SATB1: variants seen among roughly 807,000 people sequenced by gnomAD.
SATB1 encodes DNA-binding protein SATB1.
In SATB1, 11 loss-of-function variants were observed where a neutral mutation model predicts 86.9. The ratio of observed to expected loss-of-function variants is 0.13; its 90% CI spans 0.08 to 0.21. The LOEUF (loss-of-function observed/expected upper bound fraction) is 0.21, where lower values mean the gene tolerates loss of function less well. Among genes scored for constraint, SATB1 ranks in the 10% least tolerant of loss-of-function variants. The pLI, the probability that SATB1 is intolerant of heterozygous loss-of-function variation, is 1.00. For missense variants in SATB1, 551 were observed against 937.6 expected, an observed-to-expected ratio of 0.59 and a Z score of 5.39; for synonymous variants, 357 against 357.2, an observed-to-expected ratio of 1.00 and a Z score of 0.01.
intron 9 of SATB1, among the ~76,000 whole-genome samples, chr3:18,365,343 T>C (rs544297058): frequency 1.3e-5 from 2 of 152,190 alleles, no homozygotes; most frequent in African/African-American, 4.8e-5. Context: ...CAACAAGTTT[T>C]TCCAAAGACA....
At chr3:18,383,432 G>T (rs1486914783) in intron 8 of SATB1, among the ~76,000 whole-genome samples, 2 of 152,130 alleles carry the variant, frequency 1.3e-5, no homozygotes, top group Non-Finnish European at 2.9e-5. Flanking sequence ...AGGCCTTAAT[G>T]GGGGCTGGGT....
At chr3:18,425,397 T>C (rs947548148), upstream of SATB1, 48 of 116,814 alleles carry the variant, frequency 4.1e-4, no homozygotes, top group African/African-American at 1.4e-3. Context: ...AGGAAGGGGG[T>C]GCGGAGCCGA....
At chr3:18,390,826 T>C (rs114779669) in intron 7 of SATB1, among the ~76,000 whole-genome samples, 1,843 of 152,218 alleles carry the variant, frequency 0.012, 36 homozygotes, top group South Asian at 0.048. Context: ...TTTATTCTTT[T>C]AAAAATCAAA....
chr3:18,440,890 C>G (rs184553569), upstream of SATB1, among the ~76,000 whole-genome samples: 224 of 152,238 alleles, frequency 1.5e-3, no homozygotes, highest in African/African-American at 5.1e-3. Context: ...ATAATAAGCA[C>G]AAACCACACA....
intron 9 of SATB1, among the ~76,000 whole-genome samples, chr3:18,372,790 T>A (rs1263547544): frequency 4.6e-5 from 7 of 152,170 alleles, no homozygotes; most frequent in Admixed American, 4.6e-4. Flanking sequence ...TAAAAATATA[T>A]CAACGTTTTA....
chr3:18,404,632 C>T (rs1391062792), intron 5 of SATB1, among the ~76,000 whole-genome samples: 2 of 151,914 alleles, frequency 1.3e-5, no homozygotes, highest in Non-Finnish European at 2.9e-5. Context: ...TTTAAATACT[C>T]GATTCATAAC....
In SATB1 at chr3:18,394,352, G is replaced by C; in HGVS notation, c.1206+110C>G. 1 of 900,898 alleles carries C rather than the reference G, an allele frequency of 1.1e-6. No homozygotes were observed. Among genetic ancestry groups the C allele is most frequent in the Non-Finnish European group, 1.7e-6 (1 of 573,658 alleles). 55.8% of individuals were successfully genotyped at this position (900,898 alleles called of 1,614,324 possible). On this transcript the variant is annotated intron_variant, in intron 7 of 10. Transcript: ENST00000338745. The surrounding 1 kb of genome is among the most constrained non-coding windows in gnomAD (Gnocchi z 5.9). ...AATAGGTAATATGATCACATGAAGA[G>C]AGAGAGAAAATGTTAGTACAGAAGT...
At chr3:18,358,280 G>C (rs1470920128) in intron 9 of SATB1, among the ~76,000 whole-genome samples, 5 of 151,840 alleles carry the variant, frequency 3.3e-5, no homozygotes, top group Admixed American at 2.6e-4. Flanking sequence ...TTAAGATATT[G>C]TTCTTTACCT....
intron 2 of SATB1, 162 bp downstream of exon 2, chr3:18,420,595 C>T (rs989303476): frequency 3.0e-5 from 19 of 634,436 alleles, no homozygotes; most frequent in Middle Eastern, 4.3e-4. Flanking sequence ...TACTTTCCAA[C>T]GTGATTGATA....
chr3:18,417,147 G>A, intron 2 of SATB1, 69 bp from the exon 3 acceptor site: 1 of 1,490,828 alleles, frequency 6.7e-7, no homozygotes, highest in Admixed American at 1.9e-5. Context: ...GGGGGTGGCG[G>A]GAGGAAATAT....
At chr3:18,370,514 G>GAAA (rs1559407361) in intron 9 of SATB1, among the ~76,000 whole-genome samples, 11 of 13,214 alleles carry the variant, frequency 8.3e-4, no homozygotes, top group Non-Finnish European at 1.5e-3. Flanking sequence ...ACTGAGAGAG[G>GAAA]CAAAAAAAAA....
In SATB1 at chr3:18,386,398, C is replaced by G; in HGVS notation, c.1419+1G>C. 1 of 1,612,546 alleles carries G rather than the reference C, an allele frequency of 6.2e-7. No homozygotes were observed. The highest frequency in any genetic ancestry group is 8.5e-7 in the Non-Finnish European group (1 of 1,179,170). On this transcript the variant is annotated splice_donor_variant, in intron 8 of 10. Coordinates refer to ENST00000338745, the MANE Select transcript of SATB1 (RefSeq NM_002971.6). LOFTEE classifies it high-confidence loss of function. The surrounding 1 kb of genome is among the most constrained non-coding windows in gnomAD (Gnocchi z 4.5). ...GGGCAAGGAGGAAAAGGAGACCGCA[C>G]CTGGGGAGGACGGCTGGGTGGTGTG... is the stretch of plus-strand genomic sequence containing the variant.
At chr3:18,362,860 C>A (rs373869780) in intron 9 of SATB1, among the ~76,000 whole-genome samples, 187 of 32,288 alleles carry the variant, frequency 5.8e-3, no homozygotes, top group South Asian at 9.7e-3. Context: ...ATGCCATGTG[C>A]AAAAAAAAAA....
intron 9 of SATB1, among the ~76,000 whole-genome samples, chr3:18,357,934 C>G (rs1694728689): frequency 6.6e-6 from 1 of 151,690 alleles, no homozygotes; most frequent in Non-Finnish European, 1.5e-5. Context: ...CTTCACACAC[C>G]CACTTGTGAC....
chr3:18,422,361 C>A (rs1698436817), intron 1 of SATB1, among the ~76,000 whole-genome samples: 2 of 152,100 alleles, frequency 1.3e-5, no homozygotes, highest in Non-Finnish European at 2.9e-5. Flanking sequence ...AAAAGGGGGG[C>A]AGCAATGTTA....
chr3:18,428,168 G>T (rs191374466), upstream of SATB1, among the ~76,000 whole-genome samples: 100 of 152,272 alleles, frequency 6.6e-4, no homozygotes, highest in Non-Finnish European at 1.2e-3. Context: ...AGGTGGAGGG[G>T]CCTCATCTGG....
At chr3:18,363,664 G>A (rs1253088677) in intron 9 of SATB1, among the ~76,000 whole-genome samples, 1 of 152,078 alleles carries the variant, frequency 6.6e-6, no homozygotes, top group African/African-American at 2.4e-5. Flanking sequence ...GCATTTGTGA[G>A]GGTAATATTG....
At chr3:18,421,176 A>G (rs931639539) in intron 1 of SATB1, 185 bp from the exon 2 acceptor site, 3 of 535,280 alleles carry the variant, frequency 5.6e-6, no homozygotes, top group Non-Finnish European at 6.6e-6. Flanking sequence ...TTCTTATTCA[A>G]ATTAACAAAA....
intron 6 of SATB1, among the ~76,000 whole-genome samples, chr3:18,395,684 T>C (rs1361202634): frequency 6.6e-6 from 1 of 152,208 alleles, no homozygotes; most frequent in East Asian, 1.9e-4. Flanking sequence ...GCTATGGCCA[T>C]CACCAGATGC....
Sources: gnomAD v4.1 joint callset for allele counts (sites outside exome capture counted in the v4.1 genomes callset) on GRCh38, gnomAD v4.1.1 for gene constraint, Gnocchi (gnomAD v3.1) non-coding constraint, MANE v1.5 for transcripts, NCBI Gene and HGNC (gene_info 2026-07-23, HGNC 2026-07-21) for gene names.